Variants in PRDM15 observed in about 807,000 individuals in gnomAD.
The protein encoded by PRDM15 is PR domain zinc finger protein 15.
Under a neutral mutation model 128.6 loss-of-function variants are expected in PRDM15, and 64 were observed. The observed-to-expected ratio is 0.50, with a 90% CI of 0.41 to 0.61. The LOEUF (loss-of-function observed/expected upper bound fraction) is 0.61, where lower values mean the gene tolerates loss of function less well. PRDM15 is among the 20% of genes least tolerant of loss of function. The pLI is 0.00. For missense variants in PRDM15, 1,242 were observed against 1,569.1 expected (o/e 0.79, Z 3.52); for synonymous variants, 615 against 621.8 (o/e 0.99, Z 0.16).
At chr21:41,803,724 G>A (rs1053244332) in intron 22 of PRDM15, among the ~76,000 whole-genome samples, 3 of 152,082 alleles carry the variant, frequency 2.0e-5, no homozygotes, top group Admixed American at 1.3e-4. Context: ...TGGAGCCGCC[G>A]TACGTCACTC....
In PRDM15 at chr21:41,801,218, C is replaced by G; in HGVS notation, c.*22G>C. Reference sequence around the variant, plus strand: ...CCAAACATCCCTCTGCAGTTCTTGCCCCGAGTCTCCCGGAACGCAGCTCAG... The same window carrying G: ...CCAAACATCCCTCTGCAGTTCTTGCGCCGAGTCTCCCGGAACGCAGCTCAG... On this transcript the variant is annotated 3_prime_UTR_variant, in exon 24 of 24. Transcript: ENST00000398548. 1 of 1,507,282 alleles carries G rather than the reference C, an allele frequency of 6.6e-7. No individual in the cohort carries two copies. 93.4% of individuals were successfully genotyped at this position (1,507,282 alleles called of 1,614,324 possible). A position where few individuals can be genotyped will look rare whatever the true frequency, so the allele number is the denominator to read the frequency against.
chr21:41,846,491 C>T (rs1329371350), intron 6 of PRDM15, among the ~76,000 whole-genome samples: 1 of 152,232 alleles, frequency 6.6e-6, no homozygotes, highest in African/African-American at 2.4e-5. Flanking sequence ...ACCGCTTGAG[C>T]CCAGCAGTCT....
intron 11 of PRDM15, among the ~76,000 whole-genome samples, chr21:41,829,380 A>G (rs1484297406): frequency 6.6e-6 from 1 of 151,964 alleles, no homozygotes; most frequent in Non-Finnish European, 1.5e-5. Context: ...CCACAAATAC[A>G]CACATATTCA....
At chr21:41,841,085 T>G (rs1012725709) in intron 6 of PRDM15, among the ~76,000 whole-genome samples, 1 of 150,714 alleles carries the variant, frequency 6.6e-6, no homozygotes, top group Admixed American at 6.6e-5. Flanking sequence ...ACAGAGAAAA[T>G]AGGGAAGGAG....
At position 41,810,101 on chromosome 21, in the gene PRDM15, T is replaced by C; in HGVS notation, c.2652+53A>G. Reference sequence around the variant, plus strand: ...TGGGCCATGTGCCAGCATGGGGGTGTCCGGTGCGCGGCCCGCTGGCGGGGC... The same window carrying C: ...TGGGCCATGTGCCAGCATGGGGGTGCCCGGTGCGCGGCCCGCTGGCGGGGC... On this transcript the variant is annotated intron_variant, in intron 21 of 23. Coordinates refer to ENST00000398548, the MANE Select transcript of PRDM15 (RefSeq NM_001040424.3). This position sits in a 1 kb window ranked among gnomAD's most constrained non-coding sequence, Gnocchi z 6.4. 1 of 1,551,762 alleles carries C rather than the reference T, an allele frequency of 6.4e-7. No homozygotes were observed. Among genetic ancestry groups the C allele is most frequent in the Non-Finnish European group, 8.7e-7 (1 of 1,147,076 alleles).
chr21:41,839,419 T>G (rs2062998197), intron 7 of PRDM15, among the ~76,000 whole-genome samples: 2 of 152,182 alleles, frequency 1.3e-5, no homozygotes, highest in Admixed American at 6.5e-5. Context: ...CCTGTATCCT[T>G]TTTAGTGTGA....
rs373993731 is a variant in PRDM15, at chr21:41,810,725, G to A, written c.2476+28C>T. On this transcript the variant is annotated intron_variant, in intron 20 of 23. Coordinates refer to ENST00000398548, the MANE Select transcript of PRDM15 (RefSeq NM_001040424.3). This position sits in a 1 kb window ranked among gnomAD's most constrained non-coding sequence, Gnocchi z 6.4. Reference sequence around the variant, plus strand: ...CCCGGCAGCCTGCCGCGTGCGCCCCGAAGGCTCCTTCAGGCTGCGCCGCTC... The same window carrying A: ...CCCGGCAGCCTGCCGCGTGCGCCCCAAAGGCTCCTTCAGGCTGCGCCGCTC... 8.6e-5 allele frequency: 138 copies of A among 1,606,786 alleles called. No individual in the cohort carries two copies. Among genetic ancestry groups the A allele is most frequent in the East Asian group, 1.1e-4 (5 of 44,852 alleles).
Position 41,810,822 on chromosome 21 carries a change from T to C in PRDM15, c.2407A>G (p.Met803Val). 1 of 1,614,094 alleles carries C rather than the reference T, an allele frequency of 6.2e-7. No homozygotes were observed. Among genetic ancestry groups the C allele is most frequent in the Non-Finnish European group, 8.5e-7 (1 of 1,179,994 alleles). Reference sequence around the variant, plus strand: ...AATGTCTTCCCACACAATTCACACATGAAATCTTTAATCCCTGCAGAGAAA... The same window carrying C: ...AATGTCTTCCCACACAATTCACACACGAAATCTTTAATCCCTGCAGAGAAA... The part of the protein sequence containing the change: ...CKRHTGIKDF[M>V]CELCGKTFSE... Residue 803 changes from methionine (M) to valine (V), a missense_variant, in exon 20 of 24, where the codon ATG (methionine) becomes GTG (valine). Met to Val is a conservative substitution (Grantham distance 21). Transcript: ENST00000398548. The surrounding 1 kb of genome is among the most constrained non-coding windows in gnomAD (Gnocchi z 6.4).
At chr21:41,829,774 CAT>C (rs1335362200) in intron 11 of PRDM15, among the ~76,000 whole-genome samples, 1,630 of 151,616 alleles carry the variant, frequency 0.011, 29 homozygotes, top group African/African-American at 0.037. Flanking sequence ...ACACCACACA[CAT>C]ATAATCACAC....
intron 11 of PRDM15, among the ~76,000 whole-genome samples, chr21:41,830,051 A>G: frequency 6.6e-6 from 1 of 151,584 alleles, no homozygotes; most frequent in Non-Finnish European, 1.5e-5. Context: ...CATACAACGT[A>G]CACCCACACA....
chr21:41,826,394 G>A (rs2062473198), intron 12 of PRDM15, among the ~76,000 whole-genome samples: 1 of 152,172 alleles, frequency 6.6e-6, no homozygotes, highest in Non-Finnish European at 1.5e-5. Context: ...TATGGAAGAA[G>A]GCACTTCTAA....
chr21:41,861,726 A>G (rs2063820031), intron 1 of PRDM15: 3 of 1,614,044 alleles, frequency 1.9e-6, no homozygotes, highest in South Asian at 1.1e-5. Flanking sequence ...CTCATATGGA[A>G]ACTCACAGTC....
At position 41,821,128 on chromosome 21, in the gene PRDM15, C is replaced by T; in HGVS notation, c.1999G>A (p.Ala667Thr). ...SICNRRFALK[A>T]TYHAHMVIHR... ...ATGACCATGTGGGCGTGGTAGGTGG[C>T]CTTCAGTGCAAAGCGCCGGTTGCAG... The change falls in exon 16 of 24, where the codon GCC becomes ACC. Residue 667 changes from alanine (A) to threonine (T), a missense_variant. By Grantham distance (58) the Ala-to-Thr change is moderately conservative. This residue lies in a region of PRDM15 where 602 missense variants were observed against 788.3 expected (regional missense o/e 0.76). Coordinates refer to ENST00000398548, the MANE Select transcript of PRDM15 (RefSeq NM_001040424.3). The surrounding 1 kb of genome is among the most constrained non-coding windows in gnomAD (Gnocchi z 5.4). 6.2e-7 allele frequency: 1 copy of T among 1,614,224 alleles called. No individual in the cohort carries two copies. The highest frequency in any genetic ancestry group is 8.5e-7 in the Non-Finnish European group (1 of 1,180,046).
At chr21:41,840,874 A>T (rs1439916909) in intron 6 of PRDM15, among the ~76,000 whole-genome samples, 1 of 152,198 alleles carries the variant, frequency 6.6e-6, no homozygotes, top group Non-Finnish European at 1.5e-5. Context: ...AATAAAAAGG[A>T]GGCCCAAAAT....
rs760235167 is a variant in PRDM15, at chr21:41,835,502, C to T, written c.1301G>A (p.Arg434His). The T allele has an allele frequency of 1.1e-5, 18 of 1,609,770 alleles. No individual in the cohort carries two copies. Among genetic ancestry groups the T allele is most frequent in the East Asian group, 4.5e-5 (2 of 44,870 alleles). The change falls in exon 11 of 24, where the codon CGC becomes CAC. Residue 434 changes from arginine (R) to histidine (H), a missense_variant. Physicochemically the swap from Arg to His is conservative, Grantham distance 29 (BLOSUM62 0). This residue lies in a region of PRDM15 where 612 missense variants were observed against 717.0 expected (regional missense o/e 0.85). Transcript: ENST00000398548. ...GAAGGTCTTCTCACAAGTGCCGCAG[C>T]GGTACCTGTACTCGCCGTCCACCTG... ...RNEVDGEYRY[R>H]CGTCEKTFRI...
chr21:41,840,102 TAC>T (rs981669949), intron 6 of PRDM15, among the ~76,000 whole-genome samples: 1 of 152,142 alleles, frequency 6.6e-6, no homozygotes, highest in Non-Finnish European at 1.5e-5. Context: ...AAAGCAGACA[TAC>T]ACACACACAT....
At position 41,823,428 on chromosome 21, in the gene PRDM15, T is replaced by TATTG; in HGVS notation, c.1647_1650dup (p.Met551GlnfsTer45). 6.4e-7 allele frequency: 1 copy of TATTG among 1,554,618 alleles called. No individual in the cohort carries two copies. The highest frequency in any genetic ancestry group is 8.7e-7 in the Non-Finnish European group (1 of 1,149,264). On this transcript the variant is annotated frameshift_variant, in exon 14 of 24. Coordinates refer to ENST00000398548, the MANE Select transcript of PRDM15 (RefSeq NM_001040424.3). LOFTEE classifies it high-confidence loss of function. The stretch of plus-strand genomic sequence containing the variant: ...CCGTGGGTGAGCAGGTGCTTGTTCA[T>TATTG]ATTGCTCCGGCAGGAGAACACCTGT...
intron 21 of PRDM15, among the ~76,000 whole-genome samples, chr21:41,807,658 G>C (rs7279467): frequency 1.8e-4 from 27 of 151,990 alleles, no homozygotes; most frequent in African/African-American, 6.5e-4. Flanking sequence ...AGGAGGGCAG[G>C]GATGGACCCT....
intron 18 of PRDM15, among the ~76,000 whole-genome samples, chr21:41,819,374 C>T (rs2062165973): frequency 6.6e-6 from 1 of 151,398 alleles, no homozygotes; most frequent in Non-Finnish European, 1.5e-5. Context: ...CTCCCAGCGC[C>T]CTGCAGCAGC....
Sources: allele counts gnomAD v4.1 joint callset (sites outside exome capture counted in the v4.1 genomes callset), GRCh38; gene constraint gnomAD v4.1.1; regional missense constraint gnomAD v4.1.1; non-coding constraint Gnocchi (gnomAD v3.1); transcripts MANE v1.5; gene names NCBI Gene and HGNC (gene_info 2026-07-23, HGNC 2026-07-21).